Variants in PTPRN2 observed in about 807,000 individuals in gnomAD.
PTPRN2 encodes receptor-type tyrosine-protein phosphatase N2.
A neutral mutation model predicts 118.8 loss-of-function variants in PTPRN2; 74 were observed. The observed-to-expected ratio is 0.62, with a 90% CI of 0.52 to 0.76. The LOEUF (loss-of-function observed/expected upper bound fraction) is 0.76, where lower values mean the gene tolerates loss of function less well. Among genes scored for constraint, PTPRN2 ranks in the 30% least tolerant of loss-of-function variants. The pLI is 0.00. For synonymous variants in PTPRN2, 641 were observed against 608.0 expected, an observed-to-expected ratio of 1.05 and a Z score of -0.80; for missense variants, 1,481 against 1,394.4, an observed-to-expected ratio of 1.06 and a Z score of -0.99.
In PTPRN2 at chr7:158,529,951, TACC is replaced by T. The variant is rs1825095511; in HGVS notation, c.113-40169_113-40167del. 6.6e-6 allele frequency among the ~76,000 whole-genome samples: 1 copy of T among 151,684 alleles called. No individual in the cohort carries two copies. Among genetic ancestry groups the T allele is most frequent in the Non-Finnish European group, 1.5e-5 (1 of 67,920 alleles). The stretch of plus-strand genomic sequence containing the variant: ...CACACATGCACACATGTATCTCACA[TACC>T]ACACACAAGCATGCACGCCACACAT... On this transcript the variant is annotated intron_variant, in intron 1 of 22. Coordinates refer to ENST00000389418, the MANE Select transcript of PTPRN2 (RefSeq NM_002847.5). This position sits in a 1 kb window ranked among gnomAD's most constrained non-coding sequence, Gnocchi z 4.7.
At chr7:157,640,733 C>T (rs958424433) in intron 14 of PTPRN2, among the ~76,000 whole-genome samples, 13 of 152,302 alleles carry the variant, frequency 8.5e-5, no homozygotes, top group African/African-American at 3.1e-4. Context: ...AACAGACAGT[C>T]TTCTCAAGTG....
At chr7:158,312,305 C>CAT (rs1491154923) in intron 3 of PTPRN2, among the ~76,000 whole-genome samples, 1 of 17,658 alleles carries the variant, frequency 5.7e-5, no homozygotes, top group African/African-American at 1.5e-4. Context: ...CACATGTGCT[C>CAT]ACACAGACAC....
At chr7:157,605,818 T>A (rs548395248) in intron 15 of PTPRN2, among the ~76,000 whole-genome samples, 86 of 152,334 alleles carry the variant, frequency 5.6e-4, no homozygotes, top group Admixed American at 1.6e-3. Context: ...ACATGCTGAT[T>A]GGCCCACGAG....
intron 3 of PTPRN2, among the ~76,000 whole-genome samples, chr7:158,279,086 A>G (rs1799235562): frequency 6.6e-6 from 1 of 152,160 alleles, no homozygotes; most frequent in African/African-American, 2.4e-5. Context: ...AACCCTCCAC[A>G]CTGTGGAATG....
At chr7:158,303,880 T>C (rs1458232219) in intron 3 of PTPRN2, among the ~76,000 whole-genome samples, 1 of 152,258 alleles carries the variant, frequency 6.6e-6, no homozygotes, top group Non-Finnish European at 1.5e-5. Context: ...TGAAAACTAT[T>C]TGAAGAAATG....
At position 158,370,824 on chromosome 7, in the gene PTPRN2, C is replaced by T. The variant is rs369346175; in HGVS notation, c.164-53892G>A. ...AGAATAAATGAAAGAAAGCAACATG[C>T]AAAAGTGGAATACAAAAAAACTTCC... is the stretch of plus-strand genomic sequence containing the variant. On this transcript the variant is annotated intron_variant, in intron 2 of 22. Transcript: ENST00000389418. Among the ~76,000 whole-genome samples the T allele has an allele frequency of 2.4e-4, 36 of 152,182 alleles. 2 individuals are homozygous for T. The South Asian group carries it at 7.3e-3, about 31-fold the overall frequency.
At chr7:158,071,338 TGGA>T (rs1811518120) in intron 11 of PTPRN2, among the ~76,000 whole-genome samples, 1 of 121,094 alleles carries the variant, frequency 8.3e-6, no homozygotes. Flanking sequence ...CCCATGGTGG[TGGA>T]GGTGCTCGTG....
intron 12 of PTPRN2, among the ~76,000 whole-genome samples, chr7:157,871,718 C>A (rs1811060064): frequency 6.6e-6 from 1 of 151,936 alleles, no homozygotes; most frequent in African/African-American, 2.4e-5. Context: ...CCCTAACACA[C>A]ATATACACAT....
chr7:158,377,903 C>T (rs1000172628), intron 2 of PTPRN2, among the ~76,000 whole-genome samples: 18 of 152,146 alleles, frequency 1.2e-4, no homozygotes, highest in African/African-American at 4.3e-4. Flanking sequence ...AACACAGACA[C>T]AGCAAGCACA....
chr7:158,365,026 A>G (rs913902345), intron 2 of PTPRN2, among the ~76,000 whole-genome samples: 1 of 152,152 alleles, frequency 6.6e-6, no homozygotes, highest in East Asian at 1.9e-4. Context: ...ACATACATTC[A>G]TACAGACACA....
At chr7:158,571,002 A>ACGCACTGGCAGGAGC (rs1208473303) in intron 1 of PTPRN2, among the ~76,000 whole-genome samples, 94 of 152,350 alleles carry the variant, frequency 6.2e-4, no homozygotes, top group African/African-American at 2.2e-3. Context: ...GCCATGGCTG[A>ACGCACTGGCAGGAGC]CGCACTGGCA....
chr7:158,070,986 G>A lies in PTPRN2; in HGVS notation c.1723+10312C>T, dbSNP rs1330845873. On this transcript the variant is annotated intron_variant, in intron 11 of 22. Transcript: ENST00000389418. The stretch of plus-strand genomic sequence containing the variant: ...GGTGCTCACGGTGGAGGTGCCCGTG[G>A]TGGTGGAGGTGCTCATGGTGGTGGA... 1.6e-3 allele frequency among the ~76,000 whole-genome samples: 191 copies of A among 117,466 alleles called. 1 individual carries two copies. The highest frequency in any genetic ancestry group is 1.9e-3 in the Non-Finnish European group (109 of 56,990). The allele number at this position is 117,466 out of a possible 152,430, so 77.1% of individuals were successfully genotyped here. A position where few individuals can be genotyped will look rare whatever the true frequency, so the allele number is the denominator to read the frequency against.
intron 1 of PTPRN2, 49 bp downstream of exon 1, chr7:158,587,509 C>T: frequency 3.4e-6 from 4 of 1,181,166 alleles, no homozygotes; most frequent in Non-Finnish European, 4.2e-6. Context: ...TCTCACAACG[C>T]CCCCAACTAA....
At chr7:157,790,574 G>GA (rs1804425077) in intron 12 of PTPRN2, among the ~76,000 whole-genome samples, 2 of 152,078 alleles carry the variant, frequency 1.3e-5, no homozygotes, top group Admixed American at 6.5e-5. Context: ...CGTGGGTACA[G>GA]AAAAAATCCA....
chr7:158,055,887 G>A (rs760698781), intron 11 of PTPRN2, among the ~76,000 whole-genome samples: 12 of 152,088 alleles, frequency 7.9e-5, no homozygotes, highest in Non-Finnish European at 1.2e-4. Flanking sequence ...TTTGTCTTGT[G>A]TCTTTATTTC....
chr7:157,602,481 T>G (rs58551046), intron 16 of PTPRN2, among the ~76,000 whole-genome samples: 7 of 124,460 alleles, frequency 5.6e-5, no homozygotes, highest in African/African-American at 1.8e-4. Flanking sequence ...GAGCACCGTC[T>G]GCCATCAGTG....
At position 157,860,256 on chromosome 7, in the gene PTPRN2, C is replaced by A. The variant is rs568771679; in HGVS notation, c.1788+38417G>T. ...ATACCCTGGATTTCAGAGGTCACTGCAGTCAGGCCACCTGAGGACACACAC... is the reference window on the plus strand; with the variant it reads ...ATACCCTGGATTTCAGAGGTCACTGAAGTCAGGCCACCTGAGGACACACAC... On this transcript the variant is annotated intron_variant, in intron 12 of 22. Transcript: ENST00000389418. Among the ~76,000 whole-genome samples, 3 of 152,346 alleles carry A rather than the reference C, an allele frequency of 2.0e-5. No homozygotes were observed. The East Asian group carries it at 5.8e-4, about 29-fold the overall frequency.
intron 17 of PTPRN2, among the ~76,000 whole-genome samples, chr7:157,582,990 A>G (rs1800478866): frequency 6.6e-6 from 1 of 152,182 alleles, no homozygotes; most frequent in Non-Finnish European, 1.5e-5. Context: ...CCCAAAGGAA[A>G]TAAAATCAGT....
intron 15 of PTPRN2, among the ~76,000 whole-genome samples, chr7:157,605,594 G>C (rs560899012): frequency 6.6e-6 from 1 of 152,344 alleles, no homozygotes; most frequent in Admixed American, 6.5e-5. Flanking sequence ...AGTGGAGGAT[G>C]AGCAAGATGA....
Sources: gnomAD v4.1 joint callset for allele counts (sites outside exome capture counted in the v4.1 genomes callset) on GRCh38, gnomAD v4.1.1 for gene constraint, Gnocchi (gnomAD v3.1) non-coding constraint, MANE v1.5 for transcripts, NCBI Gene and HGNC (gene_info 2026-07-23, HGNC 2026-07-21) for gene names.